NLRP3: variants seen among roughly 807,000 people sequenced by gnomAD.
The protein encoded by NLRP3 is NLR family pyrin domain containing 3.
A neutral mutation model predicts 91.3 loss-of-function variants in NLRP3; 48 were observed. The observed-to-expected ratio is 0.53, with a 90% CI of 0.42 to 0.67. The LOEUF is 0.67. NLRP3 is among the 30% of genes least tolerant of loss of function. The pLI, the probability that NLRP3 is intolerant of heterozygous loss-of-function variation, is 0.00. For missense variants in NLRP3, 982 were observed against 1,276.9 expected (o/e 0.77, Z 3.52); for synonymous variants, 561 against 507.9 (o/e 1.10, Z -1.41).
rs1489622045 is a variant in NLRP3 at position 247,419,250 on chromosome 1, G to T, written c.277+173G>T. Among the ~76,000 whole-genome samples, 3 of 151,642 alleles carry T rather than the reference G, an allele frequency of 2.0e-5. 1 individual carries two copies. Among genetic ancestry groups the T allele is most frequent in the Middle Eastern group, 6.3e-3 (2 of 316 alleles). On this transcript the variant is annotated intron_variant, in intron 2 of 9. Transcript: ENST00000336119. Reference sequence around the variant, plus strand: ...GCTCACTGCAACCTCCACCTCCCGGGTTCAAGCGATTTTCCTGCCTCAGCC... The same window carrying T: ...GCTCACTGCAACCTCCACCTCCCGGTTTCAAGCGATTTTCCTGCCTCAGCC...
rs1329656731 is a variant in NLRP3, at chr1:247,442,048, C to T, written c.2664-1924C>T. Among the ~76,000 whole-genome samples, 2 of 152,262 alleles carry T rather than the reference C, an allele frequency of 1.3e-5. 1 individual carries two copies. Among genetic ancestry groups the T allele is most frequent in the Middle Eastern group, 6.3e-3 (2 of 316 alleles). On this transcript the variant is annotated intron_variant, in intron 7 of 9. Coordinates refer to ENST00000336119, the MANE Select transcript of NLRP3 (RefSeq NM_001243133.2). ...ATCCCTTCTGCATGTTAATTAACAACAACCCTCTGATAGAATTCTTACCGG... is the reference window on the plus strand; with the variant it reads ...ATCCCTTCTGCATGTTAATTAACAATAACCCTCTGATAGAATTCTTACCGG...
intron 7 of NLRP3, among the ~76,000 whole-genome samples, chr1:247,436,766 G>A (rs1663818560): frequency 6.6e-6 from 1 of 152,160 alleles, no homozygotes; most frequent in Admixed American, 6.5e-5. Context: ...TTTTTTGGCA[G>A]TTACATAAGC....
intron 5 of NLRP3, among the ~76,000 whole-genome samples, chr1:247,432,878 G>C (rs1663441293): frequency 6.6e-6 from 1 of 152,044 alleles, no homozygotes; most frequent in African/African-American, 2.4e-5. Context: ...GTGCATGTGT[G>C]TGACGGGGAA....
In NLRP3 at chr1:247,424,633, G is replaced by T; in HGVS notation, c.1184G>T (p.Ser395Ile). The change falls in exon 4 of 10, where the codon AGT (serine) becomes ATT (isoleucine). Residue 395 changes from serine to isoleucine, a missense_variant. Around this residue, in one of 5 missense-constraint regions of NLRP3, gnomAD observed 548 missense variants for 713.7 expected, o/e 0.77. Transcript: ENST00000336119. The surrounding 1 kb of genome is among the most constrained non-coding windows in gnomAD (Gnocchi z 8.1). Reference sequence around the variant, plus strand: ...GAGGCCCAAGCCAGGGCAGCCTTCAGTCTGATTCAGGAGAACGAGGTCCTC... The same window carrying T: ...GAGGCCCAAGCCAGGGCAGCCTTCATTCTGATTCAGGAGAACGAGGTCCTC... ...SDEAQARAAF[S>I]LIQENEVLFT... 1 of 1,614,248 alleles carries T rather than the reference G, an allele frequency of 6.2e-7. No individual in the cohort carries two copies. The highest frequency in any genetic ancestry group is 8.5e-7 in the Non-Finnish European group (1 of 1,180,050).
rs766893777 is a variant in NLRP3, at chr1:247,424,836, C to T, written c.1387C>T (p.His463Tyr). Reference protein sequence around the residue: ...GGSQEHGLCAHLWGLCSLAAD... With the variant: ...GGSQEHGLCAYLWGLCSLAAD... ...GAGCCAGGAGCACGGCCTCTGCGCC[C>T]ACCTCTGGGGGCTCTGCTCTTTGGC... Residue 463 changes from histidine to tyrosine, a missense_variant, in exon 4 of 10, where the codon CAC becomes TAC. By Grantham distance (83) the His-to-Tyr change is moderately conservative. This residue lies in a region of NLRP3 where 548 missense variants were observed against 713.7 expected (regional missense o/e 0.77). Transcript: ENST00000336119. The surrounding 1 kb of genome is among the most constrained non-coding windows in gnomAD (Gnocchi z 8.1). The T allele has an allele frequency of 1.2e-6, 2 of 1,608,098 alleles. No individual in the cohort carries two copies. Among genetic ancestry groups the T allele is most frequent in the Middle Eastern group, 3.3e-4 (2 of 6,062 alleles).
intron 5 of NLRP3, among the ~76,000 whole-genome samples, chr1:247,431,419 T>C (rs1663314126): frequency 6.6e-6 from 1 of 152,106 alleles, no homozygotes; most frequent in African/African-American, 2.4e-5. Flanking sequence ...ACACTCACCT[T>C]GTCACCAGTC....
At chr1:247,438,292 CT>C (rs1663935154) in intron 7 of NLRP3, among the ~76,000 whole-genome samples, 1 of 151,848 alleles carries the variant, frequency 6.6e-6, no homozygotes, top group Non-Finnish European at 1.5e-5. Context: ...TTAGTCTTTC[CT>C]GCTAATGTTA....
chr1:247,439,568 C>T (rs115514265), intron 7 of NLRP3, among the ~76,000 whole-genome samples: 4,533 of 152,248 alleles, frequency 0.03, 237 homozygotes, highest in African/African-American at 0.1. Context: ...AGATTTGTAA[C>T]GACCTGATCT....
At chr1:247,435,740 TA>T (rs1663743124) in intron 6 of NLRP3, among the ~76,000 whole-genome samples, 1 of 152,190 alleles carries the variant, frequency 6.6e-6, no homozygotes, top group South Asian at 2.1e-4. Context: ...TTTACCACAA[TA>T]AAGCTGAATG....
In NLRP3 at chr1:247,418,764, C is replaced by T. The variant is rs751606929; in HGVS notation, c.-37C>T. 50 of 1,612,306 alleles carry T rather than the reference C, an allele frequency of 3.1e-5. No individual in the cohort carries two copies. The South Asian group carries it at 4.0e-4, about 13-fold the overall frequency. ...CACTGCCTGGTATCTTAGTGTGGAC[C>T]GAAGCCTAAGGACCCTGAAAACAGC... On this transcript the variant is annotated 5_prime_UTR_variant, in exon 2 of 10. Transcript: ENST00000336119.
chr1:247,427,867 C>T (rs1298708962), intron 4 of NLRP3, among the ~76,000 whole-genome samples: 3 of 61,298 alleles, frequency 4.9e-5, no homozygotes, highest in Non-Finnish European at 1.1e-4. Flanking sequence ...GCACCCATCC[C>T]TCTAGATGGC....
chr1:247,444,599 G>A (rs973449797), intron 8 of NLRP3, 52 bp from the exon 9 acceptor site: 35 of 1,594,778 alleles, frequency 2.2e-5, no homozygotes, highest in Non-Finnish European at 2.8e-5. Flanking sequence ...ATCTTGGGGA[G>A]CTAGGGGGAT....
rs1342904404 is a variant in NLRP3 at position 247,418,058 on chromosome 1, G to C, written c.-743G>C. On this transcript the variant is annotated 5_prime_UTR_variant, in exon 2 of 10. Transcript: ENST00000336119. ...TCTGCTTTCTCATTTTGTAGATGAG[G>C]AAACTGAAGTTGAGGAATAGTGAAG... 6.6e-6 allele frequency: 1 copy of C among 152,332 alleles called. No homozygotes were observed. The highest frequency in any genetic ancestry group is 1.5e-5 in the Non-Finnish European group (1 of 68,052). The allele number at this position is 152,332 out of a possible 1,614,324, so 9.4% of individuals were successfully genotyped here.
At chr1:247,441,455 G>A (rs1664237040) in intron 7 of NLRP3, among the ~76,000 whole-genome samples, 1 of 152,084 alleles carries the variant, frequency 6.6e-6, no homozygotes, top group Non-Finnish European at 1.5e-5. Context: ...GTCTTGCTAT[G>A]TTGCCCAGGC....
intron 1 of NLRP3, among the ~76,000 whole-genome samples, chr1:247,417,355 G>C (rs1662131860): frequency 2.0e-5 from 3 of 152,238 alleles, no homozygotes; most frequent in Non-Finnish European, 4.4e-5. Context: ...GTGCAGGTTA[G>C]ATGGGGAAAA....
chr1:247,424,732 A>G lies in NLRP3; in HGVS notation c.1283A>G (p.Lys428Arg). 1 of 1,614,008 alleles carries G rather than the reference A, an allele frequency of 6.2e-7. No homozygotes were observed. Among genetic ancestry groups the G allele is most frequent in the East Asian group, 2.2e-5 (1 of 44,884 alleles). Residue 428 changes from lysine (K) to arginine (R), a missense_variant, in exon 4 of 10, where the codon AAG (lysine) becomes AGG (arginine). Lys to Arg is a conservative substitution (Grantham distance 26). Transcript: ENST00000336119. This position sits in a 1 kb window ranked among gnomAD's most constrained non-coding sequence, Gnocchi z 8.1. The part of the protein sequence containing the change: ...TGLKQQMESG[K>R]SLAQTSKTTT... Reference sequence around the variant, plus strand: ...CTGAAACAGCAGATGGAGAGTGGCAAGAGCCTTGCCCAGACATCCAAGACC... The same window carrying G: ...CTGAAACAGCAGATGGAGAGTGGCAGGAGCCTTGCCCAGACATCCAAGACC...
intron 7 of NLRP3, among the ~76,000 whole-genome samples, chr1:247,443,281 G>A (rs1290035045): frequency 2.0e-5 from 3 of 152,098 alleles, no homozygotes; most frequent in African/African-American, 4.8e-5. Context: ...CCAGGCTAGA[G>A]TGTGGCAGCG....
At chr1:247,421,502 T>A (rs1285648161) in intron 2 of NLRP3, among the ~76,000 whole-genome samples, 1 of 152,220 alleles carries the variant, frequency 6.6e-6, no homozygotes, top group African/African-American at 2.4e-5. Flanking sequence ...TATACTCACA[T>A]ACCCAAATGA....
intron 4 of NLRP3, among the ~76,000 whole-genome samples, chr1:247,426,652 G>A (rs1470272178): frequency 2.0e-5 from 3 of 152,234 alleles, no homozygotes; most frequent in African/African-American, 7.2e-5. Context: ...CCGCAGTGGT[G>A]GTGAAGACCC....
Sources: allele counts gnomAD v4.1 joint callset (sites outside exome capture counted in the v4.1 genomes callset), GRCh38; gene constraint gnomAD v4.1.1; regional missense constraint gnomAD v4.1.1; non-coding constraint Gnocchi (gnomAD v3.1); transcripts MANE v1.5; gene names NCBI Gene and HGNC (gene_info 2026-07-23, HGNC 2026-07-21).